CLIP1: variants seen among roughly 807,000 people sequenced by gnomAD.
The protein encoded by CLIP1 is CAP-Gly domain-containing linker protein 1.
CLIP1 carries 66 observed loss-of-function variants against 161.6 expected under a neutral mutation model. That is an observed-to-expected ratio of 0.41 (90% CI 0.33 to 0.50). The LOEUF is 0.50. CLIP1 is among the 20% of genes least tolerant of loss of function. The probability of loss-of-function intolerance (pLI) is 0.27; values close to 1 mark genes in which losing one functional copy is unlikely to be tolerated. For missense variants in CLIP1, 1,376 were observed against 1,702.0 expected, an observed-to-expected ratio of 0.81 and a Z score of 3.37; for synonymous variants, 598 against 626.2, an observed-to-expected ratio of 0.96 and a Z score of 0.67.
chr12:122,363,444 C>T (rs1420484508), intron 4 of CLIP1, among the ~76,000 whole-genome samples: 1 of 150,732 alleles, frequency 6.6e-6, no homozygotes, highest in Non-Finnish European at 1.5e-5. Flanking sequence ...TGCACTGAGC[C>T]GAGATGGCGC....
chr12:122,284,747 C>G (rs1031252446), intron 21 of CLIP1, among the ~76,000 whole-genome samples: 2 of 152,094 alleles, frequency 1.3e-5, no homozygotes, highest in Admixed American at 1.3e-4. Context: ...AGGACTTCAT[C>G]ATTAAGTACA....
intron 3 of CLIP1, among the ~76,000 whole-genome samples, chr12:122,371,756 A>G (rs1251710756): frequency 1.3e-5 from 2 of 152,186 alleles, no homozygotes; most frequent in Admixed American, 1.3e-4. Context: ...TGTGTTTCCA[A>G]GCCTCAAAAG....
At chr12:122,381,679 A>T (rs564590571) in intron 1 of CLIP1, among the ~76,000 whole-genome samples, 37 of 152,312 alleles carry the variant, frequency 2.4e-4, no homozygotes, top group African/African-American at 7.7e-4. Context: ...TGAAGCACAG[A>T]CCTCACTTTC....
intron 3 of CLIP1, among the ~76,000 whole-genome samples, chr12:122,370,252 CAA>C (rs940516559): frequency 1.4e-5 from 2 of 145,760 alleles, no homozygotes; most frequent in African/African-American, 5.0e-5. Context: ...GTGAGAAGGA[CAA>C]GAGGTCGGGA....
intron 9 of CLIP1, among the ~76,000 whole-genome samples, chr12:122,349,178 G>A (rs1201406127): frequency 6.6e-6 from 1 of 152,198 alleles, no homozygotes; most frequent in East Asian, 1.9e-4. Flanking sequence ...TGGGGTCACA[G>A]CCTCAGGAGC....
intron 21 of CLIP1, among the ~76,000 whole-genome samples, chr12:122,281,424 T>C (rs550905897): frequency 6.6e-6 from 1 of 152,148 alleles, no homozygotes; most frequent in Non-Finnish European, 1.5e-5. Context: ...CGGTGTCTCA[T>C]CCATGTCATC....
chr12:122,278,706 G>T, intron 23 of CLIP1, 86 bp downstream of exon 23: 1 of 1,367,120 alleles, frequency 7.3e-7, no homozygotes, highest in Non-Finnish European at 9.9e-7. Flanking sequence ...CAGCATGAGA[G>T]CTGTCTTCGA....
At chr12:122,337,679 T>C (rs1566135920) in intron 11 of CLIP1, among the ~76,000 whole-genome samples, 1 of 152,068 alleles carries the variant, frequency 6.6e-6, no homozygotes, top group Non-Finnish European at 1.5e-5. Flanking sequence ...GTGTGGATGC[T>C]TACTTTCTAA....
intron 9 of CLIP1, among the ~76,000 whole-genome samples, chr12:122,349,572 G>C (rs1952920701): frequency 6.6e-6 from 1 of 152,214 alleles, no homozygotes; most frequent in Admixed American, 6.5e-5. Flanking sequence ...AAGGGAACTA[G>C]TGATCCACTT....
chr12:122,347,598 A>C (rs1242343117), intron 9 of CLIP1, 119 bp from the exon 10 acceptor site: 1 of 724,490 alleles, frequency 1.4e-6, no homozygotes, highest in African/African-American at 1.7e-5. Flanking sequence ...AGGGTGAACC[A>C]AAGGGGAATG....
At chr12:122,388,476 C>T (rs1251746506) in intron 1 of CLIP1, among the ~76,000 whole-genome samples, 3 of 152,168 alleles carry the variant, frequency 2.0e-5, no homozygotes, top group African/African-American at 7.2e-5. Context: ...GCCTCGGCCT[C>T]CTAAAGTGCT....
At chr12:122,386,836 AAAAAG>A (rs1955289045) in intron 1 of CLIP1, among the ~76,000 whole-genome samples, 1 of 150,624 alleles carries the variant, frequency 6.6e-6, no homozygotes, top group Non-Finnish European at 1.5e-5. Context: ...AAAAAAAAAA[AAAAAG>A]AGAGAGAGAT....
At chr12:122,364,187 G>A in intron 3 of CLIP1, 80 bp from the exon 4 acceptor site, 1 of 1,506,952 alleles carries the variant, frequency 6.6e-7, no homozygotes. Context: ...TAGTAACTAG[G>A]TACTACATTC....
intron 24 of CLIP1, chr12:122,276,369 G>A: frequency 1.5e-6 from 1 of 680,684 alleles, no homozygotes; most frequent in Admixed American, 4.3e-5. Context: ...ATGGACATAA[G>A]TATAGTGGGA....
At chr12:122,416,929 C>T (rs532088031) in intron 1 of CLIP1, among the ~76,000 whole-genome samples, 1 of 151,216 alleles carries the variant, frequency 6.6e-6, no homozygotes, top group East Asian at 2.0e-4. Flanking sequence ...TAACATGGTG[C>T]CCAGGTGTGG....
chr12:122,404,771 C>T (rs562378793), intron 1 of CLIP1, among the ~76,000 whole-genome samples: 6 of 151,106 alleles, frequency 4.0e-5, no homozygotes, highest in Admixed American at 1.3e-4. Context: ...GGCATGGTGG[C>T]GGGCGCCTGT....
chr12:122,382,185 A>C (rs1048797457), intron 1 of CLIP1, among the ~76,000 whole-genome samples: 13 of 152,030 alleles, frequency 8.6e-5, no homozygotes, highest in Non-Finnish European at 1.6e-4. Flanking sequence ...AACATGGAGA[A>C]ACTCTGTCTC....
chr12:122,366,892 G>A (rs77404182), intron 3 of CLIP1, among the ~76,000 whole-genome samples: 1,547 of 152,238 alleles, frequency 0.01, 14 homozygotes, highest in East Asian at 0.018. Context: ...TTTAGTACTC[G>A]TTAGTACTAA....
intron 15 of CLIP1, among the ~76,000 whole-genome samples, chr12:122,329,220 A>T (rs1342437545): frequency 6.6e-6 from 1 of 152,072 alleles, no homozygotes; most frequent in Non-Finnish European, 1.5e-5. Flanking sequence ...CCAGCTACTC[A>T]GGAGGCTGAG....
Sources: allele counts gnomAD v4.1 joint callset (sites outside exome capture counted in the v4.1 genomes callset), GRCh38; gene constraint gnomAD v4.1.1; transcripts MANE v1.5; gene names NCBI Gene and HGNC (gene_info 2026-07-23, HGNC 2026-07-21).